The following IL36B variants were observed in gnomAD, a reference collection of about 807,000 sequenced individuals.
The protein encoded by IL36B is interleukin 36 beta, also known as interleukin-36 beta.
In IL36B, 23 loss-of-function variants were observed where a neutral mutation model predicts 19.3. The ratio of observed to expected loss-of-function variants is 1.19; its 90% CI spans 0.86 to 1.69. IL36B has a LOEUF of 1.69. IL36B is among the 40% of genes most tolerant of loss of function. The probability of loss-of-function intolerance (pLI) is 0.00; values close to 1 mark genes in which losing one functional copy is unlikely to be tolerated. For missense variants in IL36B, 217 were observed against 200.5 expected, an observed-to-expected ratio of 1.08 and a Z score of -0.50; for synonymous variants, 59 against 59.7, an observed-to-expected ratio of 0.99 and a Z score of 0.05.
At chr2:113,028,818 AT>A (rs1685012615) in intron 4 of IL36B, 120 bp downstream of exon 4, 2 of 1,045,980 alleles carry the variant, frequency 1.9e-6, no homozygotes, top group Non-Finnish European at 2.7e-6. Context: ...CCAGGTCAGA[AT>A]TATTTCCTTA....
At chr2:113,050,731 A>G (rs1473958058) in intron 1 of IL36B, among the ~76,000 whole-genome samples, 2 of 152,236 alleles carry the variant, frequency 1.3e-5, no homozygotes, top group African/African-American at 4.8e-5. Context: ...AGATAATAAT[A>G]ATAAAAAAAG....
At chr2:113,034,403 C>T (rs1685130696) in intron 1 of IL36B, among the ~76,000 whole-genome samples, 1 of 152,208 alleles carries the variant, frequency 6.6e-6, no homozygotes, top group South Asian at 2.1e-4. Flanking sequence ...AGTCCCTCAC[C>T]CATGTCCTAG....
At chr2:113,051,494 C>T (rs1308871444) in intron 1 of IL36B, among the ~76,000 whole-genome samples, 1 of 152,188 alleles carries the variant, frequency 6.6e-6, no homozygotes, top group Non-Finnish European at 1.5e-5. Flanking sequence ...TCTCTCAGAT[C>T]CCGGCCTGTG....
At chr2:113,037,425 G>A (rs950198394) in intron 1 of IL36B, among the ~76,000 whole-genome samples, 5 of 152,122 alleles carry the variant, frequency 3.3e-5, no homozygotes, top group East Asian at 1.9e-4. Context: ...CAAGACAGGC[G>A]GATCACCTGA....
intron 5 of IL36B, chr2:113,026,026 C>A (rs1289981223): frequency 3.2e-6 from 5 of 1,553,904 alleles, no homozygotes; most frequent in Middle Eastern, 1.7e-4. Context: ...CTGCTGGGAT[C>A]CTCTGAGGAA....
intron 5 of IL36B, among the ~76,000 whole-genome samples, chr2:113,025,176 T>C (rs1684934423): frequency 6.6e-6 from 1 of 152,198 alleles, no homozygotes; most frequent in Non-Finnish European, 1.5e-5. Context: ...CCCGAGTGGA[T>C]GCCCTTGTAT....
chr2:113,032,440 G>A (rs1685093339), intron 1 of IL36B, among the ~76,000 whole-genome samples: 1 of 152,102 alleles, frequency 6.6e-6, no homozygotes, highest in Non-Finnish European at 1.5e-5. Context: ...ATGAGAACCA[G>A]TTGTTCACAA....
chr2:113,037,364 T>C (rs1290338335), intron 1 of IL36B, among the ~76,000 whole-genome samples: 2 of 152,132 alleles, frequency 1.3e-5, no homozygotes, highest in Non-Finnish European at 2.9e-5. Context: ...GAAAATCCAA[T>C]TGAGGCTGGG....
intron 1 of IL36B, among the ~76,000 whole-genome samples, chr2:113,035,026 C>T (rs570838530): frequency 1.3e-5 from 2 of 152,344 alleles, no homozygotes; most frequent in African/African-American, 4.8e-5. Flanking sequence ...ACTATGGGGT[C>T]ACATTCCTTG....
intron 1 of IL36B, among the ~76,000 whole-genome samples, chr2:113,045,732 T>C (rs147885258): frequency 2.6e-5 from 4 of 152,368 alleles, no homozygotes; most frequent in African/African-American, 9.6e-5. Context: ...ACTAATAATT[T>C]CTTCTGTATG....
chr2:113,042,501 A>G (rs1280989684), intron 1 of IL36B, among the ~76,000 whole-genome samples: 1 of 152,102 alleles, frequency 6.6e-6, no homozygotes. Context: ...CCCCCGTCCT[A>G]TTCACCAGGA....
intron 1 of IL36B, among the ~76,000 whole-genome samples, chr2:113,038,758 C>A (rs1685199569): frequency 6.6e-6 from 1 of 152,158 alleles, no homozygotes. Context: ...AAGATGTAAA[C>A]TTCATGGCTT....
intron 3 of IL36B, 71 bp downstream of exon 3, chr2:113,030,976 GC>G (rs1302857286): frequency 3.0e-5 from 34 of 1,134,242 alleles, no homozygotes; most frequent in Non-Finnish European, 4.3e-5. Flanking sequence ...CCAGGCTTAT[GC>G]AAGCTCAGCC....
rs375881771 is a variant in IL36B at position 113,048,701 on chromosome 2, G to A, written c.-58+4116C>T. On this transcript the variant is annotated intron_variant, in intron 1 of 5. Coordinates refer to ENST00000259213, the MANE Select transcript of IL36B (RefSeq NM_014438.5). ...GAGAATATTAATGAAGCTAAAATCT[G>A]ATTATTAAAAAATCAAGAAAAATGA... 1.2e-4 allele frequency among the ~76,000 whole-genome samples: 19 copies of A among 152,090 alleles called. No homozygotes were observed. In the East Asian group the frequency reaches 3.3e-3, roughly 26 times the overall value.
At chr2:113,031,212 A>C in intron 2 of IL36B, 57 bp from the exon 3 acceptor site, 1 of 1,151,688 alleles carries the variant, frequency 8.7e-7, no homozygotes. Context: ...TCAGGACTCC[A>C]GTTGCATCCT....
chr2:113,031,083 A>G lies in IL36B; in HGVS notation c.86T>C (p.Leu29Ser). ...GCTGCGGCTAAGAGGAGCTGCTATT[A>G]AAGAATTTCCACTCAGGACCCACAC... Residue 29 changes from leucine to serine, a missense_variant, in exon 3 of 6, where the codon TTA (leucine) becomes TCA (serine). Leu to Ser is a moderately radical substitution (Grantham distance 145). Coordinates refer to ENST00000259213, the MANE Select transcript of IL36B (RefSeq NM_014438.5). 1 of 1,614,030 alleles carries G rather than the reference A, an allele frequency of 6.2e-7. No homozygotes were observed. The highest frequency in any genetic ancestry group is 2.2e-5 in the East Asian group (1 of 44,888).
chr2:113,024,211 G>A (rs759088245), intron 5 of IL36B, among the ~76,000 whole-genome samples: 7 of 152,108 alleles, frequency 4.6e-5, no homozygotes, highest in Non-Finnish European at 7.3e-5. Flanking sequence ...CCTGAGGACC[G>A]TGACTCTTGC....
At chr2:113,044,055 G>A (rs1685304495) in intron 1 of IL36B, among the ~76,000 whole-genome samples, 1 of 152,110 alleles carries the variant, frequency 6.6e-6, no homozygotes, top group African/African-American at 2.4e-5. Context: ...TCAAGTTGGG[G>A]AAAATTCACT....
intron 1 of IL36B, among the ~76,000 whole-genome samples, chr2:113,036,701 G>A (rs1354011235): frequency 6.6e-6 from 1 of 152,204 alleles, no homozygotes. Flanking sequence ...AAGCCTGTGA[G>A]GCATAGAATA....
Sources: allele counts gnomAD v4.1 joint callset (sites outside exome capture counted in the v4.1 genomes callset), GRCh38; gene constraint gnomAD v4.1.1; transcripts MANE v1.5; gene names NCBI Gene and HGNC (gene_info 2026-07-23, HGNC 2026-07-21).